The following CDH1 variants were observed in gnomAD, a reference collection of about 807,000 sequenced individuals.
CDH1 encodes the protein cadherin-1.
Under a neutral mutation model 84.5 loss-of-function variants are expected in CDH1, and 35 were observed. The ratio of observed to expected loss-of-function variants is 0.41; its 90% CI spans 0.32 to 0.55. The LOEUF (loss-of-function observed/expected upper bound fraction) is 0.55. Ranked by LOEUF, CDH1 falls within the 20% of genes least tolerant of loss-of-function variation. The probability of loss-of-function intolerance (pLI) is 0.19; values close to 1 mark genes in which losing one functional copy is unlikely to be tolerated. For synonymous variants in CDH1, 417 were observed against 439.0 expected (o/e 0.95, Z 0.63); for missense variants, 994 against 1,126.6 (o/e 0.88, Z 1.68).
chr16:68,813,925 TC>T lies in CDH1; in HGVS notation c.1320+431del, dbSNP rs531332120. Among the ~76,000 whole-genome samples, 9 of 145,746 alleles carry T rather than the reference TC, an allele frequency of 6.2e-5. No individual in the cohort carries two copies. The South Asian group carries it at 1.9e-3, about 32-fold the overall frequency. On this transcript the variant is annotated intron_variant, in intron 9 of 15. Coordinates refer to ENST00000261769, the MANE Select transcript of CDH1 (RefSeq NM_004360.5). The stretch of plus-strand genomic sequence containing the variant: ...CCAGCTCTGGGTGACAGAGCAAGAC[TC>T]AGTCTCCAGGGGTGGGCGGGGAAAA...
intron 15 of CDH1, among the ~76,000 whole-genome samples, chr16:68,832,938 T>C (rs993120641): frequency 6.6e-6 from 1 of 152,118 alleles, no homozygotes; most frequent in Admixed American, 6.6e-5. Context: ...TGGGTGGAAA[T>C]GCAGCCTGCA....
At chr16:68,800,197 A>G (rs2152125958) in intron 2 of CDH1, among the ~76,000 whole-genome samples, 1 of 152,062 alleles carries the variant, frequency 6.6e-6, no homozygotes, top group South Asian at 2.1e-4. Flanking sequence ...TTTAAAAAAA[A>G]AAAAACCAAG....
chr16:68,819,095 A>G (rs1961065962), intron 10 of CDH1, among the ~76,000 whole-genome samples, 185 bp from the exon 11 acceptor site: 1 of 152,108 alleles, frequency 6.6e-6, no homozygotes, highest in African/African-American at 2.4e-5. Flanking sequence ...ACCTCAGGTG[A>G]TCTGCCCACC....
chr16:68,815,471 A>G (rs1960955564), intron 9 of CDH1, 44 bp from the exon 10 acceptor site: 1 of 1,613,336 alleles, frequency 6.2e-7, no homozygotes, highest in Non-Finnish European at 8.5e-7. Flanking sequence ...TACTAACACA[A>G]AATGTTTCGT....
chr16:68,747,889 G>A (rs778276105), intron 2 of CDH1, among the ~76,000 whole-genome samples: 3 of 151,550 alleles, frequency 2.0e-5, no homozygotes, highest in South Asian at 2.1e-4. Context: ...TCAGTCTCCC[G>A]AGTAGCTGAG....
chr16:68,801,198 A>G (rs1960489855), intron 2 of CDH1, among the ~76,000 whole-genome samples: 2 of 152,118 alleles, frequency 1.3e-5, no homozygotes, highest in South Asian at 2.1e-4. Flanking sequence ...TGCAACCTCC[A>G]CCTTACAGGT....
At chr16:68,766,322 C>T (rs558055574) in intron 2 of CDH1, among the ~76,000 whole-genome samples, 16 of 152,168 alleles carry the variant, frequency 1.1e-4, no homozygotes, top group Non-Finnish European at 1.9e-4. Context: ...GGCTCTGAGA[C>T]ATCCCCTTGA....
At chr16:68,739,608 ATTTTTTTTTTTTT>A (rs549473582) in intron 2 of CDH1, among the ~76,000 whole-genome samples, 5 of 79,192 alleles carry the variant, frequency 6.3e-5, no homozygotes, top group Admixed American at 3.1e-4. Flanking sequence ...AGGAATAATG[ATTTTTTTTTTTTT>A]TTTTTTTTTT....
rs371996897 is a variant in CDH1, at chr16:68,810,262, G to A, written c.753G>A (p.Thr251=). 2.1e-5 allele frequency: 34 copies of A among 1,613,792 alleles called. No individual in the cohort carries two copies. The highest frequency in any genetic ancestry group is 8.9e-5 in the East Asian group (4 of 44,890). The change falls in exon 6 of 16, where the codon ACG becomes ACA. Residue 251 remains threonine, a synonymous_variant. Transcript: ENST00000261769. ...AVEDPMEILI[T]VTDQNDNKPE... Reference sequence around the variant, plus strand: ...AGGATCCAATGGAGATTTTGATCACGGTAACCGATCAGAATGACAACAAGC... The same window carrying A: ...AGGATCCAATGGAGATTTTGATCACAGTAACCGATCAGAATGACAACAAGC...
intron 2 of CDH1, among the ~76,000 whole-genome samples, chr16:68,797,346 A>C (rs944759906): frequency 6.6e-6 from 1 of 152,142 alleles, no homozygotes; most frequent in Non-Finnish European, 1.5e-5. Context: ...CGTTTGTGCC[A>C]CTGCACTTTA....
At chr16:68,751,786 A>C (rs994890377) in intron 2 of CDH1, among the ~76,000 whole-genome samples, 6 of 151,384 alleles carry the variant, frequency 4.0e-5, no homozygotes, top group Admixed American at 2.6e-4. Context: ...TATAGGGATG[A>C]GCCACCGTGC....
chr16:68,755,689 C>T (rs1046242088), intron 2 of CDH1, among the ~76,000 whole-genome samples: 2 of 151,936 alleles, frequency 1.3e-5, no homozygotes, highest in African/African-American at 2.4e-5. Flanking sequence ...GGAAATAATG[C>T]TCATTCCAAG....
chr16:68,820,890 C>T (rs1364550418), intron 11 of CDH1, among the ~76,000 whole-genome samples: 1 of 151,906 alleles, frequency 6.6e-6, no homozygotes, highest in African/African-American at 2.4e-5. Flanking sequence ...ACATACTGCC[C>T]ATAATCTCAA....
intron 2 of CDH1, among the ~76,000 whole-genome samples, chr16:68,779,522 A>G (rs1959818588): frequency 6.6e-6 from 1 of 152,178 alleles, no homozygotes; most frequent in Non-Finnish European, 1.5e-5. Flanking sequence ...TGTTGTGAAG[A>G]TTAACTGCAA....
chr16:68,808,911 C>T lies in CDH1; in HGVS notation c.687+63C>T, dbSNP rs1480384460. ...CATCCACCCAGGATTTTTTGGTCAA[C>T]CCATGCTGGATCCGCAGATCAGAGG... On this transcript the variant is annotated intron_variant, in intron 5 of 15. Transcript: ENST00000261769. The T allele has an allele frequency of 1.2e-5, 19 of 1,529,808 alleles. No homozygotes were observed. In the Admixed American group the frequency reaches 2.5e-4, roughly 20 times the overall value. 94.8% of individuals were successfully genotyped at this position (1,529,808 alleles called of 1,614,324 possible).
At chr16:68,756,037 TACAGGCATGA>T (rs1963009719) in intron 2 of CDH1, among the ~76,000 whole-genome samples, 1 of 152,150 alleles carries the variant, frequency 6.6e-6, no homozygotes. Flanking sequence ...GTGCTGGGAT[TACAGGCATGA>T]ATGAGCCACT....
intron 13 of CDH1, among the ~76,000 whole-genome samples, chr16:68,823,994 T>TTTTTTTC (rs1355449794): frequency 3.6e-5 from 5 of 140,332 alleles, no homozygotes; most frequent in African/African-American, 1.4e-4. Flanking sequence ...CTGCATTTCT[T>TTTTTTTC]TTTTTTTTTT....
At chr16:68,787,304 G>A (rs1398387111) in intron 2 of CDH1, among the ~76,000 whole-genome samples, 1 of 152,144 alleles carries the variant, frequency 6.6e-6, no homozygotes, top group Non-Finnish European at 1.5e-5. Context: ...GACCTGCTCT[G>A]TGACCTTGAC....
rs1028336560 is a variant in CDH1 at position 68,834,439 on chromosome 16, A to G, written c.*940A>G. On this transcript the variant is annotated 3_prime_UTR_variant, in exon 16 of 16. Transcript: ENST00000261769. ...GCTATGTTGCCCAAGCTGGTCTTAAACTCCTGGCCTCAAGCAATCCTTCTG... is the reference window on the plus strand; with the variant it reads ...GCTATGTTGCCCAAGCTGGTCTTAAGCTCCTGGCCTCAAGCAATCCTTCTG... 3.1e-5 allele frequency: 10 copies of G among 327,652 alleles called. No homozygotes were observed. In the Middle Eastern group the frequency reaches 2.6e-3, roughly 86 times the overall value. The allele number at this position is 327,652 out of a possible 1,614,324, so 20.3% of individuals were successfully genotyped here.
Sources: gnomAD v4.1 joint callset for allele counts (sites outside exome capture counted in the v4.1 genomes callset) on GRCh38, gnomAD v4.1.1 for gene constraint, MANE v1.5 for transcripts, NCBI Gene and HGNC (gene_info 2026-07-23, HGNC 2026-07-21) for gene names.